Variants in FOLR3 observed in about 807,000 individuals in gnomAD.
FOLR3 encodes folate receptor 3 (gamma).
Under a neutral mutation model 20.0 loss-of-function variants are expected in FOLR3, and 9 were observed. The ratio of observed to expected loss-of-function variants is 0.45; its 90% CI spans 0.27 to 0.79. The LOEUF (loss-of-function observed/expected upper bound fraction) is 0.79, where lower values mean the gene tolerates loss of function less well. Ranked by LOEUF, FOLR3 falls within the 30% of genes least tolerant of loss-of-function variation. The pLI, the probability that FOLR3 is intolerant of heterozygous loss-of-function variation, is 0.15. For synonymous variants in FOLR3, 124 were observed against 115.5 expected, an observed-to-expected ratio of 1.07 and a Z score of -0.47; for missense variants, 309 against 323.5, an observed-to-expected ratio of 0.96 and a Z score of 0.34.
intron 3 of FOLR3, 75 bp downstream of exon 3, chr11:72,139,224 G>A: frequency 1.3e-6 from 2 of 1,564,848 alleles, no homozygotes; most frequent in African/African-American, 1.4e-5. Context: ...GGAGGGCTTG[G>A]TCCAGGAATT....
intron 3 of FOLR3, 73 bp from the exon 4 acceptor site, chr11:72,139,274 C>T (rs1947784865): frequency 1.3e-6 from 2 of 1,566,762 alleles, no homozygotes. Context: ...CCTCCCACAG[C>T]TCTGGTCCCC....
chr11:72,138,291 G>A (rs908224069), intron 2 of FOLR3, among the ~76,000 whole-genome samples: 22 of 151,866 alleles, frequency 1.4e-4, no homozygotes, highest in African/African-American at 3.4e-4. Flanking sequence ...GCTTGAACCC[G>A]GGAGGTGGAG....
At chr11:72,136,183 G>A (rs1947740272) in intron 2 of FOLR3, 63 bp downstream of exon 2, 15 of 1,585,704 alleles carry the variant, frequency 9.5e-6, no homozygotes, top group South Asian at 5.6e-5. Context: ...ACGAGCAATG[G>A]CAGGTCCAGT....
rs1258650407 is a variant in FOLR3, at chr11:72,139,782, C to T, written c.689C>T (p.Ala230Val). 6.2e-7 allele frequency: 1 copy of T among 1,614,064 alleles called. No homozygotes were observed. The highest frequency in any genetic ancestry group is 1.7e-5 in the Admixed American group (1 of 60,020). ...NPNEEVAKFYAAAMNAGAPSR... is the reference protein window; with the variant it reads ...NPNEEVAKFYVAAMNAGAPSR... ...AATGAGGAGGTGGCCAAGTTCTATG[C>T]TGCGGCCATGAATGCTGGGGCCCCG... Residue 230 changes from alanine (A) to valine (V), a missense_variant, in exon 5 of 5, where the codon GCT (alanine) becomes GTT (valine). Coordinates refer to ENST00000611028, the MANE Select transcript of FOLR3 (RefSeq NM_000804.4).
Position 72,139,681 on chromosome 11 carries a change from C to G in FOLR3, c.588C>G (p.Ser196=), listed in dbSNP as rs937270220. The G allele has an allele frequency of 7.1e-5, 114 of 1,613,630 alleles. No homozygotes were observed. The highest frequency in any genetic ancestry group is 9.4e-5 in the Non-Finnish European group (111 of 1,179,954). ...AALCEGLWSH[S]FKVSNYSRGS... is the part of the protein sequence containing the mutation. The stretch of plus-strand genomic sequence containing the variant: ...TTTGTGAAGGCCTCTGGAGCCACTC[C>G]TTCAAGGTCAGCAACTATAGTCGAG... Residue 196 remains serine (S), a synonymous_variant, in exon 5 of 5, where the codon TCC becomes TCG. Coordinates refer to ENST00000611028, the MANE Select transcript of FOLR3 (RefSeq NM_000804.4).
chr11:72,136,035 G>A lies in FOLR3; in HGVS notation c.83G>A (p.Arg28Gln), dbSNP rs554883482. The A allele has an allele frequency of 1.7e-5, 28 of 1,613,976 alleles. No individual in the cohort carries two copies. The highest frequency in any genetic ancestry group is 4.5e-5 in the East Asian group (2 of 44,886). Residue 28 changes from arginine to glutamine, a missense_variant, in exon 2 of 5, where the codon CGG becomes CAG. By Grantham distance (43) the Arg-to-Gln change is conservative. Coordinates refer to ENST00000611028, the MANE Select transcript of FOLR3 (RefSeq NM_000804.4). ...GGGAGTGCCCAGCCCAGGAGTGCGC[G>A]GGCCAGGACGGACCTGCTCAATGTC... ...AAGSAQPRSA[R>Q]ARTDLLNVCM... is the part of the protein sequence containing the mutation.
chr11:72,139,428 C>G lies in FOLR3; in HGVS notation c.439C>G (p.Arg147Gly), dbSNP rs771770450. ...CTGTGAGCGCTGGTGGGAGGACTGT[C>G]GCACCTCCTACACCTGCAAAAGCAA... The part of the protein sequence containing the change: ...EDCERWWEDC[R>G]TSYTCKSNWH... Residue 147 changes from arginine to glycine, a missense_variant, in exon 4 of 5, where the codon CGC becomes GGC. By Grantham distance (125) the Arg-to-Gly change is moderately radical (BLOSUM62 -2). Transcript: ENST00000611028. 1.2e-6 allele frequency: 2 copies of G among 1,612,574 alleles called. No individual in the cohort carries two copies. Among genetic ancestry groups the G allele is most frequent in the East Asian group, 4.5e-5 (2 of 44,816 alleles).
In FOLR3 at chr11:72,139,328, C is replaced by G. The variant is rs374365644; in HGVS notation, c.358-19C>G. On this transcript the variant is annotated intron_variant, in intron 3 of 4. Coordinates refer to ENST00000611028, the MANE Select transcript of FOLR3 (RefSeq NM_000804.4). ...GAGATACGTGGCTGACAGGAGTATT[C>G]TGTCTCCTCCCCACTCAGGTCAACC... is the stretch of plus-strand genomic sequence containing the variant. The G allele has an allele frequency of 7.5e-6, 12 of 1,609,018 alleles. No homozygotes were observed. Among genetic ancestry groups the G allele is most frequent in the Non-Finnish European group, 1.0e-5 (12 of 1,177,424 alleles).
At chr11:72,136,842 T>A (rs1947747759) in intron 2 of FOLR3, among the ~76,000 whole-genome samples, 1 of 152,178 alleles carries the variant, frequency 6.6e-6, no homozygotes, top group Non-Finnish European at 1.5e-5. Flanking sequence ...GCAAGGGAGT[T>A]CTTCTCATTG....
rs540221846 is a variant in FOLR3, at chr11:72,135,753, G to A, written c.-22G>A. The A allele has an allele frequency of 1.6e-6, 1 of 618,158 alleles. No individual in the cohort carries two copies. Among genetic ancestry groups the A allele is most frequent in the Admixed American group, 2.8e-5 (1 of 35,376 alleles). 38.3% of individuals were successfully genotyped at this position (618,158 alleles called of 1,614,324 possible). A position where few individuals can be genotyped will look rare whatever the true frequency, so the allele number is the denominator to read the frequency against. On this transcript the variant is annotated 5_prime_UTR_variant, in exon 1 of 5. Transcript: ENST00000611028. ...GCCTGGACCTACAGCGCTGTTGGTG[G>A]AGGTCCTGCCTCCAGGTAGGGGAAG...
chr11:72,138,889 G>A, intron 2 of FOLR3, 72 bp from the exon 3 acceptor site: 1 of 1,567,906 alleles, frequency 6.4e-7, no homozygotes, highest in Non-Finnish European at 8.7e-7. Context: ...ACCTACCTGG[G>A]GCAGAGGAGC....
Position 72,139,372 on chromosome 11 carries a change from G to T in FOLR3, c.383G>T (p.Arg128Leu), listed in dbSNP as rs753242964. ...RQVNQSWRKERILNVPLCKED... is the reference protein window; with the variant it reads ...RQVNQSWRKELILNVPLCKED... ...GTCAACCAGAGCTGGCGCAAAGAGCGCATTCTGAACGTGCCCCTGTGCAAA... is the reference window on the plus strand; with the variant it reads ...GTCAACCAGAGCTGGCGCAAAGAGCTCATTCTGAACGTGCCCCTGTGCAAA... Residue 128 changes from arginine (R) to leucine (L), a missense_variant, in exon 4 of 5, where the codon CGC (arginine) becomes CTC (leucine). By Grantham distance (102) the Arg-to-Leu change is moderately radical. Coordinates refer to ENST00000611028, the MANE Select transcript of FOLR3 (RefSeq NM_000804.4). 1.2e-6 allele frequency: 2 copies of T among 1,611,668 alleles called. No homozygotes were observed.
At chr11:72,137,039 G>A (rs181172465) in intron 2 of FOLR3, among the ~76,000 whole-genome samples, 6 of 152,318 alleles carry the variant, frequency 3.9e-5, no homozygotes, top group South Asian at 2.1e-4. Context: ...GGCACTGGGC[G>A]TGGGCCAGGG....
chr11:72,138,856 C>T, intron 2 of FOLR3, 105 bp from the exon 3 acceptor site: 1 of 1,430,608 alleles, frequency 7.0e-7, no homozygotes, highest in Non-Finnish European at 9.6e-7. Flanking sequence ...AAGGGCCCTC[C>T]CCAGGAAGTG....
At chr11:72,139,225 T>C in intron 3 of FOLR3, 76 bp downstream of exon 3, 1 of 1,562,730 alleles carries the variant, frequency 6.4e-7, no homozygotes. Flanking sequence ...GAGGGCTTGG[T>C]CCAGGAATTC....
chr11:72,139,067 T>C lies in FOLR3; in HGVS notation c.275T>C (p.Met92Thr), dbSNP rs773021435. ...TTTAACTGGGATCACTGTGGTAAGA[T>C]GGAACCCACCTGCAAGCGCCACTTT... Reference protein sequence around the residue: ...YNFNWDHCGKMEPTCKRHFIQ... With the variant: ...YNFNWDHCGKTEPTCKRHFIQ... Residue 92 changes from methionine (M) to threonine (T), a missense_variant, in exon 3 of 5, where the codon ATG (methionine) becomes ACG (threonine). Coordinates refer to ENST00000611028, the MANE Select transcript of FOLR3 (RefSeq NM_000804.4). The C allele has an allele frequency of 1.2e-6, 2 of 1,613,300 alleles. No homozygotes were observed. The highest frequency in any genetic ancestry group is 2.2e-5 in the South Asian group (2 of 91,048).
intron 2 of FOLR3, among the ~76,000 whole-genome samples, chr11:72,138,196 G>A (rs12575126): frequency 0.066 from 10,061 of 151,950 alleles, 435 homozygotes; most frequent in African/African-American, 0.11. Flanking sequence ...GTGAACCCCC[G>A]TCTCTACTAA....
chr11:72,139,189 G>A, intron 3 of FOLR3, 40 bp downstream of exon 3: 2 of 1,585,188 alleles, frequency 1.3e-6, no homozygotes, highest in Non-Finnish European at 1.7e-6. Flanking sequence ...CTCAGCAGAG[G>A]GCGGAGCCTG....
At position 72,139,618 on chromosome 11, in the gene FOLR3, C is replaced by T. The variant is rs932073641; in HGVS notation, c.525C>T (p.Cys175=). Residue 175 remains cysteine (C), a synonymous_variant, in exon 5 of 5, where the codon TGC becomes TGT. Coordinates refer to ENST00000611028, the MANE Select transcript of FOLR3 (RefSeq NM_000804.4). The stretch of plus-strand genomic sequence containing the variant: ...ATGAGTGTCCGGCCGGGGCCCTCTG[C>T]AGCACCTTTGAGTCCTACTTCCCCA... The part of the protein sequence containing the change: ...GINECPAGAL[C]STFESYFPTP... 1 of 1,613,686 alleles carries T rather than the reference C, an allele frequency of 6.2e-7. No homozygotes were observed. Among genetic ancestry groups the T allele is most frequent in the African/African-American group, 1.3e-5 (1 of 75,014 alleles).
Sources: gnomAD v4.1 joint callset for allele counts (sites outside exome capture counted in the v4.1 genomes callset) on GRCh38, gnomAD v4.1.1 for gene constraint, MANE v1.5 for transcripts, NCBI Gene and HGNC (gene_info 2026-07-23, HGNC 2026-07-21) for gene names.